SNX9: variants seen among roughly 807,000 people sequenced by gnomAD.
The protein encoded by SNX9 is sorting nexin 9.
Under a neutral mutation model 89.4 loss-of-function variants are expected in SNX9, and 44 were observed. The ratio of observed to expected loss-of-function variants is 0.49; its 90% CI spans 0.39 to 0.63. The LOEUF is 0.63. Ranked by LOEUF, SNX9 falls within the 30% of genes least tolerant of loss-of-function variation. SNX9 has a pLI of 0.00. For missense variants in SNX9, 578 were observed against 736.1 expected (o/e 0.79, Z 2.49); for synonymous variants, 236 against 247.8 (o/e 0.95, Z 0.45).
At chr6:157,895,325 A>T (rs905811747) in intron 4 of SNX9, among the ~76,000 whole-genome samples, 1 of 152,184 alleles carries the variant, frequency 6.6e-6, no homozygotes, top group African/African-American at 2.4e-5. Flanking sequence ...GTTGTAAATC[A>T]GAGTTAGGAG....
chr6:157,907,306 G>A (rs1783236736), intron 7 of SNX9, among the ~76,000 whole-genome samples: 1 of 152,102 alleles, frequency 6.6e-6, no homozygotes, highest in Non-Finnish European at 1.5e-5. Context: ...TTTTAAGACA[G>A]AGTCTCACTC....
intron 14 of SNX9, among the ~76,000 whole-genome samples, chr6:157,936,826 CAG>C (rs1783935421): frequency 6.6e-6 from 1 of 152,156 alleles, no homozygotes; most frequent in Non-Finnish European, 1.5e-5. Flanking sequence ...TTTTAGATAA[CAG>C]ATAATAAGTT....
At chr6:157,932,329 C>T (rs1218009148) in intron 13 of SNX9, 57 bp downstream of exon 13, 2 of 1,489,004 alleles carry the variant, frequency 1.3e-6, no homozygotes, top group South Asian at 2.3e-5. Flanking sequence ...GACCTGTCAC[C>T]TGCTTAGGAT....
intron 1 of SNX9, among the ~76,000 whole-genome samples, chr6:157,844,600 G>GTTGTTTT (rs1781767274): frequency 1.5e-5 from 2 of 131,828 alleles, no homozygotes; most frequent in African/African-American, 5.7e-5. Flanking sequence ...TTTTTTTTTT[G>GTTGTTTT]TTTTTTTTTT....
chr6:157,857,434 G>C (rs922845628), intron 1 of SNX9, among the ~76,000 whole-genome samples: 2 of 151,802 alleles, frequency 1.3e-5, no homozygotes, highest in Non-Finnish European at 2.9e-5. Context: ...CCCAATCTGG[G>C]CACTAGATAT....
In SNX9 at chr6:157,934,894, C is replaced by T. The variant is rs186225165; in HGVS notation, c.1367-1070C>T. Among the ~76,000 whole-genome samples, 20 of 152,276 alleles carry T rather than the reference C, an allele frequency of 1.3e-4. 1 individual carries two copies. The highest frequency in any genetic ancestry group is 4.3e-4 in the African/African-American group (18 of 41,552). ...TCCCTGGCACCAATCGTAAGGTCCA[C>T]GTCCCACCACAGTGAACCAGGGTTC... is the stretch of plus-strand genomic sequence containing the variant. On this transcript the variant is annotated intron_variant, in intron 13 of 17. Transcript: ENST00000392185.
intron 10 of SNX9, among the ~76,000 whole-genome samples, chr6:157,926,582 G>C (rs1033702280): frequency 1.3e-5 from 2 of 151,950 alleles, no homozygotes; most frequent in African/African-American, 4.8e-5. Flanking sequence ...AGGAGTTCAA[G>C]ACCAGCCTGG....
chr6:157,940,908 C>T lies in SNX9; in HGVS notation c.1674C>T (p.Asn558=), dbSNP rs1784022597. ...LQAEMNHFHS[N]RIYDYNSVIR... is the part of the protein sequence containing the mutation. ...CTGAGATGAATCACTTTCACAGTAACCGGATCTATGATTACAACAGTGTCA... is the reference window on the plus strand; with the variant it reads ...CTGAGATGAATCACTTTCACAGTAATCGGATCTATGATTACAACAGTGTCA... Residue 558 remains asparagine (N), a synonymous_variant, in exon 17 of 18, where the codon AAC becomes AAT. Coordinates refer to ENST00000392185, the MANE Select transcript of SNX9 (RefSeq NM_016224.5). 1 of 1,614,188 alleles carries T rather than the reference C, an allele frequency of 6.2e-7. No individual in the cohort carries two copies. Among genetic ancestry groups the T allele is most frequent in the African/African-American group, 1.3e-5 (1 of 75,056 alleles).
chr6:157,894,093 TCG>T (rs1782921041), intron 4 of SNX9, among the ~76,000 whole-genome samples: 2 of 148,662 alleles, frequency 1.3e-5, no homozygotes, highest in African/African-American at 2.5e-5. Flanking sequence ...CTTTTTCTTT[TCG>T]CTTTTCTTTT....
At position 157,927,101 on chromosome 6, in the gene SNX9, T is replaced by C; in HGVS notation, c.1081-10T>C. 2 of 1,609,874 alleles carry C rather than the reference T, an allele frequency of 1.2e-6. No individual in the cohort carries two copies. Among genetic ancestry groups the C allele is most frequent in the Non-Finnish European group, 1.7e-6 (2 of 1,176,180 alleles). On this transcript the variant is annotated splice_polypyrimidine_tract_variant and intron_variant, in intron 10 of 17. Transcript: ENST00000392185. ...TCTCCACTTGAACCTTACAACATTCTCATTTACAGGAATGGAAAACTGGAA... is the reference window on the plus strand; with the variant it reads ...TCTCCACTTGAACCTTACAACATTCCCATTTACAGGAATGGAAAACTGGAA...
intron 1 of SNX9, among the ~76,000 whole-genome samples, chr6:157,832,838 G>C (rs1012333888): frequency 7.2e-5 from 11 of 152,150 alleles, no homozygotes; most frequent in African/African-American, 2.7e-4. Flanking sequence ...TGAGATCTGG[G>C]GAGACACAGC....
Position 157,831,519 on chromosome 6 carries a change from G to T in SNX9, c.12+8073G>T, listed in dbSNP as rs534361707. Among the ~76,000 whole-genome samples, 3 of 152,260 alleles carry T rather than the reference G, an allele frequency of 2.0e-5. No individual in the cohort carries two copies. In the South Asian group the frequency reaches 6.2e-4, roughly 32 times the overall value. On this transcript the variant is annotated intron_variant, in intron 1 of 17. Transcript: ENST00000392185. ...TTTTCCTCTTTACCCTTATGCTGAG[G>T]TCCTTTTGGAGTCCCAGCTTGTAGC... is the stretch of plus-strand genomic sequence containing the variant.
At chr6:157,845,400 C>T (rs1417766846) in intron 1 of SNX9, among the ~76,000 whole-genome samples, 1 of 152,174 alleles carries the variant, frequency 6.6e-6, no homozygotes, top group African/African-American at 2.4e-5. Context: ...TGCGAGCCAC[C>T]GTGCCCGGCC....
chr6:157,834,023 G>A (rs1317662391), intron 1 of SNX9, among the ~76,000 whole-genome samples: 2 of 152,078 alleles, frequency 1.3e-5, no homozygotes, highest in African/African-American at 4.8e-5. Flanking sequence ...GAGGTAATGA[G>A]GCGTGATCTG....
intron 1 of SNX9, among the ~76,000 whole-genome samples, chr6:157,858,950 G>C (rs1782066581): frequency 6.6e-6 from 1 of 152,174 alleles, no homozygotes; most frequent in Non-Finnish European, 1.5e-5. Flanking sequence ...TTCAGGGTGA[G>C]ATTTGGGTGG....
At chr6:157,884,605 G>C (rs181146914) in intron 4 of SNX9, among the ~76,000 whole-genome samples, 2 of 151,462 alleles carry the variant, frequency 1.3e-5, no homozygotes, top group Non-Finnish European at 2.9e-5. Context: ...CCACCCCCCC[G>C]TATGAATTCT....
chr6:157,907,572 C>T (rs1246484801), intron 7 of SNX9, among the ~76,000 whole-genome samples: 4 of 152,222 alleles, frequency 2.6e-5, no homozygotes, highest in African/African-American at 7.2e-5. Flanking sequence ...GTATGAGCCA[C>T]TGCGCCCGGC....
At chr6:157,846,567 A>T (rs1323866102) in intron 1 of SNX9, among the ~76,000 whole-genome samples, 7 of 152,246 alleles carry the variant, frequency 4.6e-5, no homozygotes, top group Non-Finnish European at 1.0e-4. Flanking sequence ...TCACTTTAGT[A>T]ATGTTCTTTA....
chr6:157,884,484 A>G (rs944571756), intron 4 of SNX9, among the ~76,000 whole-genome samples: 3 of 152,196 alleles, frequency 2.0e-5, no homozygotes, highest in African/African-American at 7.2e-5. Context: ...TTATACCTTC[A>G]TTAACTCACA....
Sources: allele counts gnomAD v4.1 joint callset (sites outside exome capture counted in the v4.1 genomes callset), GRCh38; gene constraint gnomAD v4.1.1; transcripts MANE v1.5; gene names NCBI Gene and HGNC (gene_info 2026-07-23, HGNC 2026-07-21).